Variants in SLFN12L observed in about 807,000 individuals in gnomAD.
The protein encoded by SLFN12L is schlafen family member 12 like.
Under a neutral mutation model 34.8 loss-of-function variants are expected in SLFN12L, and 34 were observed. The ratio of observed to expected loss-of-function variants is 0.98; its 90% CI spans 0.74 to 1.30. The LOEUF (loss-of-function observed/expected upper bound fraction) is 1.30, where lower values mean the gene tolerates loss of function less well. SLFN12L is among the 50% of genes most tolerant of loss of function. The pLI is 0.00. For synonymous variants in SLFN12L, 259 were observed against 247.5 expected, an observed-to-expected ratio of 1.05 and a Z score of -0.44; for missense variants, 703 against 696.2, an observed-to-expected ratio of 1.01 and a Z score of -0.11.
chr17:35,529,725 A>G (rs1256349024), intron 1 of SLFN12L, among the ~76,000 whole-genome samples: 1 of 152,092 alleles, frequency 6.6e-6, no homozygotes, highest in African/African-American at 2.4e-5. Flanking sequence ...GGACAACATT[A>G]GGAGAAATAC....
At chr17:35,530,402 G>GGA (rs1567693415) in intron 1 of SLFN12L, among the ~76,000 whole-genome samples, 2 of 11,134 alleles carry the variant, frequency 1.8e-4, no homozygotes, top group African/African-American at 5.9e-4. Flanking sequence ...AGGAAGGAAG[G>GGA]AAGGAAGGAA....
At chr17:35,482,436 C>T (rs537583289) in intron 2 of SLFN12L, among the ~76,000 whole-genome samples, 3 of 152,316 alleles carry the variant, frequency 2.0e-5, no homozygotes, top group South Asian at 4.1e-4. Flanking sequence ...CTGCCTCTTC[C>T]AAGTTGGGAC....
At chr17:35,477,640 A>C (rs1005843425) in intron 4 of SLFN12L, among the ~76,000 whole-genome samples, 3 of 152,162 alleles carry the variant, frequency 2.0e-5, no homozygotes, top group Admixed American at 1.3e-4. Context: ...ACTTCATAGA[A>C]GATAAAATAT....
chr17:35,491,630 G>A (rs1347792882), intron 2 of SLFN12L, among the ~76,000 whole-genome samples: 3 of 152,230 alleles, frequency 2.0e-5, no homozygotes, highest in Admixed American at 6.5e-5. Flanking sequence ...CTGGGAAACA[G>A]CAATCTTCCT....
chr17:35,488,208 CA>C (rs1031137551), intron 2 of SLFN12L, among the ~76,000 whole-genome samples: 1 of 151,480 alleles, frequency 6.6e-6, no homozygotes, highest in Admixed American at 6.6e-5. Flanking sequence ...GACTCCGTCT[CA>C]AAAAAAAATT....
At position 35,530,508 on chromosome 17, in the gene SLFN12L, GAAAGAAAAGAAAAGA is replaced by G. The variant is rs200936112; in HGVS notation, c.-606+7050_-606+7064del. On this transcript the variant is annotated intron_variant, in intron 1 of 4. Coordinates refer to ENST00000628453, the MANE Select transcript of SLFN12L (RefSeq NM_001363830.2). ...AGAAAGAAAGAAAGAAAGAAAGAAA[GAAAGAAAAGAAAAGA>G]AAAGAAAAGAAAAGAAAAGAAAGAA... Among the ~76,000 whole-genome samples, 24 of 32,778 alleles carry G rather than the reference GAAAGAAAAGAAAAGA, an allele frequency of 7.3e-4. 1 individual carries two copies. The South Asian group carries it at 0.016, about 22-fold the overall frequency. The allele number at this position is 32,778 out of a possible 152,430, so 21.5% of individuals were successfully genotyped here.
intron 4 of SLFN12L, among the ~76,000 whole-genome samples, chr17:35,477,408 A>T (rs955390596): frequency 9.2e-5 from 14 of 152,178 alleles, no homozygotes; most frequent in African/African-American, 3.1e-4. Flanking sequence ...TAAACCACAA[A>T]ATTTTTAAAT....
In SLFN12L at chr17:35,464,577, T is replaced by G. The variant is rs1240354947; in HGVS notation, c.*10346A>C. ...GGGTAATGGCCTCCAGTTCCATCCA[T>G]GTTCCTGCAAAAGACATGATCTTGT... is the stretch of plus-strand genomic sequence containing the variant. On this transcript the variant is annotated 3_prime_UTR_variant, in exon 5 of 5. Transcript: ENST00000628453. 1 of 152,208 alleles carries G rather than the reference T, an allele frequency of 6.6e-6. No homozygotes were observed. The highest frequency in any genetic ancestry group is 1.5e-5 in the Non-Finnish European group (1 of 68,040). The allele number at this position is 152,208 out of a possible 1,614,324, so 9.4% of individuals were successfully genotyped here.
At chr17:35,534,045 C>A (rs541438976) in intron 1 of SLFN12L, among the ~76,000 whole-genome samples, 3 of 151,918 alleles carry the variant, frequency 2.0e-5, no homozygotes, top group East Asian at 3.9e-4. Context: ...GCACTCCAGG[C>A]TGGGCAACAG....
intron 2 of SLFN12L, among the ~76,000 whole-genome samples, chr17:35,481,285 T>C (rs1237060451): frequency 6.6e-6 from 1 of 152,168 alleles, no homozygotes; most frequent in Non-Finnish European, 1.5e-5. Flanking sequence ...AAGACTCTGC[T>C]CCACCACCTC....
intron 1 of SLFN12L, among the ~76,000 whole-genome samples, chr17:35,530,754 G>A (rs2072403834): frequency 1.3e-5 from 2 of 152,174 alleles, no homozygotes; most frequent in South Asian, 4.1e-4. Flanking sequence ...GTGCTATGGT[G>A]AGAAGGGGGC....
At position 35,516,818 on chromosome 17, in the gene SLFN12L, G is replaced by T. The variant is rs187735141; in HGVS notation, c.86+5461C>A. Among the ~76,000 whole-genome samples, 7 of 151,940 alleles carry T rather than the reference G, an allele frequency of 4.6e-5. No individual in the cohort carries two copies. The East Asian group carries it at 1.4e-3, about 29-fold the overall frequency. On this transcript the variant is annotated intron_variant, in intron 2 of 4. Coordinates refer to ENST00000628453, the MANE Select transcript of SLFN12L (RefSeq NM_001363830.2). ...TAATATAGTAAGCACATTTTTAAAA[G>T]GTAAAAATAAATAAGCAGCTTTACT...
chr17:35,507,826 G>A (rs924801390), intron 2 of SLFN12L, among the ~76,000 whole-genome samples: 2 of 152,096 alleles, frequency 1.3e-5, no homozygotes, highest in Admixed American at 6.5e-5. Context: ...AATCACTATC[G>A]ATCTGTCTTA....
intron 2 of SLFN12L, among the ~76,000 whole-genome samples, chr17:35,494,790 C>T (rs371568635): frequency 1.1e-4 from 16 of 152,164 alleles, no homozygotes; most frequent in East Asian, 1.9e-4. Context: ...AGGAGAGTGA[C>T]GCAGGGCCAG....
At chr17:35,529,051 C>T (rs571846455) in intron 1 of SLFN12L, among the ~76,000 whole-genome samples, 2 of 152,264 alleles carry the variant, frequency 1.3e-5, no homozygotes, top group East Asian at 3.9e-4. Flanking sequence ...ACAGACAGTT[C>T]TCAAAAAGAA....
intron 2 of SLFN12L, among the ~76,000 whole-genome samples, chr17:35,492,537 T>C (rs1398501201): frequency 6.6e-6 from 1 of 152,074 alleles, no homozygotes; most frequent in Non-Finnish European, 1.5e-5. Flanking sequence ...GCTCCCACTG[T>C]GTTGGGGGCT....
intron 2 of SLFN12L, among the ~76,000 whole-genome samples, chr17:35,488,284 CT>C (rs981202409): frequency 2.6e-5 from 4 of 152,258 alleles, no homozygotes; most frequent in African/African-American, 9.6e-5. Flanking sequence ...AGCAGCCCTG[CT>C]GTCCCCTTGC....
At chr17:35,483,134 T>A (rs1214490238) in intron 2 of SLFN12L, among the ~76,000 whole-genome samples, 1 of 152,098 alleles carries the variant, frequency 6.6e-6, no homozygotes, top group Non-Finnish European at 1.5e-5. Flanking sequence ...GCCTCCTCTC[T>A]GCTGAGAGCA....
chr17:35,491,700 T>C (rs1914845048), intron 2 of SLFN12L, among the ~76,000 whole-genome samples: 2 of 152,256 alleles, frequency 1.3e-5, no homozygotes, highest in Non-Finnish European at 2.9e-5. Context: ...TCTGCTGATA[T>C]GGAATGGAAC....
Sources: gnomAD v4.1 joint callset for allele counts (sites outside exome capture counted in the v4.1 genomes callset) on GRCh38, gnomAD v4.1.1 for gene constraint, MANE v1.5 for transcripts, NCBI Gene and HGNC (gene_info 2026-07-23, HGNC 2026-07-21) for gene names.